The following SGK3 variants were observed in gnomAD, a reference collection of about 807,000 sequenced individuals.
The protein encoded by SGK3 is serine/threonine-protein kinase Sgk3.
Under a neutral mutation model 68.5 loss-of-function variants are expected in SGK3, and 47 were observed. That is an observed-to-expected ratio of 0.69 (90% CI 0.54 to 0.87). The LOEUF (loss-of-function observed/expected upper bound fraction) is 0.87, where lower values mean the gene tolerates loss of function less well. SGK3 is among the 40% of genes least tolerant of loss of function. The pLI is 0.00. For missense variants in SGK3, 479 were observed against 575.5 expected, an observed-to-expected ratio of 0.83 and a Z score of 1.72; for synonymous variants, 181 against 189.1, an observed-to-expected ratio of 0.96 and a Z score of 0.35.
intron 8 of SGK3, among the ~76,000 whole-genome samples, chr8:66,835,537 G>T (rs374722794): frequency 6.6e-6 from 1 of 152,096 alleles, no homozygotes. Context: ...CTCAAGCAGT[G>T]TAGATTTGGG....
intron 1 of SGK3, among the ~76,000 whole-genome samples, chr8:66,714,908 G>A (rs932967291): frequency 1.3e-5 from 2 of 152,182 alleles, no homozygotes; most frequent in Non-Finnish European, 1.5e-5. Flanking sequence ...TGCCTGGCAC[G>A]TGCAGGCCTG....
intron 15 of SGK3, among the ~76,000 whole-genome samples, chr8:66,849,102 C>A (rs1433829095): frequency 6.6e-6 from 1 of 152,194 alleles, no homozygotes; most frequent in Non-Finnish European, 1.5e-5. Context: ...CCTAAACCCT[C>A]TTTTCTTCCG....
At chr8:66,782,644 G>C (rs1585709022) in intron 1 of SGK3, among the ~76,000 whole-genome samples, 1 of 152,230 alleles carries the variant, frequency 6.6e-6, no homozygotes, top group East Asian at 1.9e-4. Flanking sequence ...TTCACCCTGT[G>C]CCCCAGCCCC....
chr8:66,733,354 T>A (rs1805223416), intron 1 of SGK3, among the ~76,000 whole-genome samples: 1 of 152,216 alleles, frequency 6.6e-6, no homozygotes, highest in Non-Finnish European at 1.5e-5. Flanking sequence ...ATAGTTATTA[T>A]TGTAATTGAA....
Position 66,846,628 on chromosome 8 carries a change from A to G in SGK3, c.1075-565A>G, listed in dbSNP as rs987206409. Reference sequence around the variant, plus strand: ...CACGCCTGGTCTTTATTTTTACTTTAAACCTTTATAATTAGATGATTAACT... The same window carrying G: ...CACGCCTGGTCTTTATTTTTACTTTGAACCTTTATAATTAGATGATTAACT... On this transcript the variant is annotated intron_variant, in intron 14 of 16. Transcript: ENST00000521198. 3.9e-5 allele frequency among the ~76,000 whole-genome samples: 6 copies of G among 152,222 alleles called. No homozygotes were observed. The South Asian group carries it at 1.2e-3, about 32-fold the overall frequency.
At chr8:66,727,098 T>C (rs1805007117) in intron 1 of SGK3, among the ~76,000 whole-genome samples, 1 of 152,142 alleles carries the variant, frequency 6.6e-6, no homozygotes, top group Admixed American at 6.6e-5. Context: ...ATGTTAGATC[T>C]GAATTCCTTT....
intron 7 of SGK3, among the ~76,000 whole-genome samples, chr8:66,830,889 TCAA>T (rs1379266462): frequency 2.0e-5 from 3 of 152,242 alleles, no homozygotes; most frequent in Non-Finnish European, 4.4e-5. Flanking sequence ...TTTAATTTCC[TCAA>T]CAACATTGGA....
intron 1 of SGK3, among the ~76,000 whole-genome samples, chr8:66,724,050 G>A (rs1252866393): frequency 1.3e-5 from 2 of 152,068 alleles, no homozygotes; most frequent in Non-Finnish European, 2.9e-5. Flanking sequence ...TATTATTTCT[G>A]ACTTTTGCTA....
At chr8:66,793,402 A>T (rs1034838443) in intron 1 of SGK3, among the ~76,000 whole-genome samples, 1 of 152,182 alleles carries the variant, frequency 6.6e-6, no homozygotes. Context: ...AAGTTCCTAG[A>T]ATTTCCTAAT....
At chr8:66,742,709 T>A (rs1805517854) in intron 1 of SGK3, among the ~76,000 whole-genome samples, 1 of 152,206 alleles carries the variant, frequency 6.6e-6, no homozygotes, top group Non-Finnish European at 1.5e-5. Context: ...ATAAAATTAA[T>A]AAGTCAGTCT....
intron 1 of SGK3, among the ~76,000 whole-genome samples, chr8:66,792,205 C>T (rs542945759): frequency 2.1e-4 from 32 of 151,582 alleles, no homozygotes; most frequent in African/African-American, 6.5e-4. Flanking sequence ...GGCACGTGCC[C>T]GTAATTCCAG....
At chr8:66,726,409 C>G (rs1309103883) in intron 1 of SGK3, among the ~76,000 whole-genome samples, 1 of 152,058 alleles carries the variant, frequency 6.6e-6, no homozygotes, top group African/African-American at 2.4e-5. Context: ...AAAGCTGACT[C>G]CTCTCAAAGC....
At chr8:66,712,914 A>C (rs1245100137) in intron 1 of SGK3, 81 bp downstream of exon 1, 1 of 151,614 alleles carries the variant, frequency 6.6e-6, no homozygotes, top group Non-Finnish European at 1.5e-5. Flanking sequence ...GGGCGGGGCG[A>C]GGGCTGCCCG....
chr8:66,796,532 A>G (rs1279441749), intron 2 of SGK3, among the ~76,000 whole-genome samples: 1 of 150,890 alleles, frequency 6.6e-6, no homozygotes, highest in South Asian at 2.1e-4. Context: ...TCCTGGGCTC[A>G]AGTGATTCTC....
In SGK3 at chr8:66,771,916, T is replaced by A. The variant is rs1225079746; in HGVS notation, c.-121-21700T>A. On this transcript the variant is annotated intron_variant, in intron 1 of 16. Coordinates refer to ENST00000521198, the MANE Select transcript of SGK3 (RefSeq NM_001033578.3). ...ACTTAATAATAATTTACTTCTCCAT[T>A]TTTATGAATCAGTCATATGTAACTG... Among the ~76,000 whole-genome samples the A allele has an allele frequency of 4.0e-5, 6 of 151,230 alleles. 1 individual carries two copies. The East Asian group carries it at 9.9e-4, about 25-fold the overall frequency.
chr8:66,817,594 C>T (rs1808645830), intron 5 of SGK3, among the ~76,000 whole-genome samples: 1 of 151,958 alleles, frequency 6.6e-6, no homozygotes, highest in African/African-American at 2.4e-5. Flanking sequence ...CTCAAGTTAT[C>T]TCCCCCCTCG....
chr8:66,849,045 C>T (rs748796439), intron 15 of SGK3, among the ~76,000 whole-genome samples: 2 of 152,174 alleles, frequency 1.3e-5, no homozygotes, highest in Non-Finnish European at 2.9e-5. Flanking sequence ...CCATTATTTC[C>T]TGTGTAAGCT....
chr8:66,851,722 G>C (rs1810296906), intron 16 of SGK3, among the ~76,000 whole-genome samples: 1 of 152,034 alleles, frequency 6.6e-6, no homozygotes, highest in Non-Finnish European at 1.5e-5. Context: ...TTAAAGATGA[G>C]CTTTATACTA....
intron 1 of SGK3, among the ~76,000 whole-genome samples, chr8:66,736,777 G>A (rs552692205): frequency 6.6e-6 from 1 of 152,130 alleles, no homozygotes; most frequent in African/African-American, 2.4e-5. Flanking sequence ...GTGCCACCAT[G>A]CCCAGCTAAT....
Sources: gnomAD v4.1 joint callset for allele counts (sites outside exome capture counted in the v4.1 genomes callset) on GRCh38, gnomAD v4.1.1 for gene constraint, MANE v1.5 for transcripts, NCBI Gene and HGNC (gene_info 2026-07-23, HGNC 2026-07-21) for gene names.